The following AGAP1 variants were observed in gnomAD, a reference collection of about 807,000 sequenced individuals.
AGAP1 encodes arf-GAP with GTPase, ANK repeat and PH domain-containing protein 1.
AGAP1 carries 29 observed loss-of-function variants against 105.3 expected under a neutral mutation model. The observed-to-expected ratio is 0.28, with a 90% CI of 0.21 to 0.38. The LOEUF (loss-of-function observed/expected upper bound fraction) is 0.38. AGAP1 is among the 10% of genes least tolerant of loss of function. The pLI is 1.00. For missense variants in AGAP1, 998 were observed against 1,165.1 expected (o/e 0.86, Z 2.09); for synonymous variants, 509 against 485.9 (o/e 1.05, Z -0.63).
chr2:235,739,337 A>G lies in AGAP1; in HGVS notation c.311-1626A>G, dbSNP rs983065593. ...TCATGATGACAACAGCTCTGCTAGA[A>G]AAGCATTTCTTTTTTGCCTACGAGG... On this transcript the variant is annotated intron_variant, in intron 3 of 17. Coordinates refer to ENST00000304032, the MANE Select transcript of AGAP1 (RefSeq NM_001037131.3). This position sits in a 1 kb window ranked among gnomAD's most constrained non-coding sequence, Gnocchi z 5.3. Among the ~76,000 whole-genome samples, 4 of 152,218 alleles carry G rather than the reference A, an allele frequency of 2.6e-5. No homozygotes were observed. The highest frequency in any genetic ancestry group is 9.6e-5 in the African/African-American group (4 of 41,462).
chr2:235,572,004 T>A (rs7588645), intron 1 of AGAP1, among the ~76,000 whole-genome samples: 913 of 49,596 alleles, frequency 0.018, 3 homozygotes, highest in Middle Eastern at 0.083. Context: ...ACACACACAC[T>A]TTTTTTTTTT....
At position 235,639,849 on chromosome 2, in the gene AGAP1, C is replaced by T. The variant is rs370139571; in HGVS notation, c.164-69330C>T. Among the ~76,000 whole-genome samples, 13 of 152,282 alleles carry T rather than the reference C, an allele frequency of 8.5e-5. No homozygotes were observed. The highest frequency in any genetic ancestry group is 1.5e-4 in the Non-Finnish European group (10 of 68,024). Reference sequence around the variant, plus strand: ...GGACTTCTTTTTGGATTATTTGCAACGTCTTGAGGGGTCCACGGATTGATA... The same window carrying T: ...GGACTTCTTTTTGGATTATTTGCAATGTCTTGAGGGGTCCACGGATTGATA... On this transcript the variant is annotated intron_variant, in intron 1 of 17. Coordinates refer to ENST00000304032, the MANE Select transcript of AGAP1 (RefSeq NM_001037131.3). This position sits in a 1 kb window ranked among gnomAD's most constrained non-coding sequence, Gnocchi z 5.3.
At chr2:236,067,023 A>T (rs1165091043) in intron 16 of AGAP1, among the ~76,000 whole-genome samples, 3 of 96,262 alleles carry the variant, frequency 3.1e-5, no homozygotes. Context: ...TTCACCAACC[A>T]ATTTTTTTTT....
At chr2:235,616,407 G>A (rs980161707) in intron 1 of AGAP1, among the ~76,000 whole-genome samples, 1 of 151,792 alleles carries the variant, frequency 6.6e-6, no homozygotes, top group East Asian at 1.9e-4. Context: ...GTTAAGTTCA[G>A]TGTTAAAAAC....
At chr2:235,495,601 C>A (rs1435004852) in intron 1 of AGAP1, among the ~76,000 whole-genome samples, 1 of 152,216 alleles carries the variant, frequency 6.6e-6, no homozygotes, top group African/African-American at 2.4e-5. Context: ...TGGGCAGAAT[C>A]CCCACCCGCT....
intron 1 of AGAP1, among the ~76,000 whole-genome samples, chr2:235,679,517 A>G (rs1948945980): frequency 6.6e-6 from 1 of 152,244 alleles, no homozygotes; most frequent in Admixed American, 6.5e-5. Flanking sequence ...CCTTAAAATT[A>G]TAAATGGGGA....
Position 235,736,901 on chromosome 2 carries a change from T to C in AGAP1, c.311-4062T>C, listed in dbSNP as rs1952288354. Among the ~76,000 whole-genome samples, 2 of 152,228 alleles carry C rather than the reference T, an allele frequency of 1.3e-5. No individual in the cohort carries two copies. Among genetic ancestry groups the C allele is most frequent in the African/African-American group, 4.8e-5 (2 of 41,460 alleles). The stretch of plus-strand genomic sequence containing the variant: ...AAAATCTAATGACTGGGATGAGATC[T>C]GATGAAATGGTAGGTTGAATTTAAA... On this transcript the variant is annotated intron_variant, in intron 3 of 17. Coordinates refer to ENST00000304032, the MANE Select transcript of AGAP1 (RefSeq NM_001037131.3). The surrounding 1 kb of genome is among the most constrained non-coding windows in gnomAD (Gnocchi z 5.5).
intron 6 of AGAP1, among the ~76,000 whole-genome samples, chr2:235,779,036 T>C (rs1169172571): frequency 6.6e-6 from 1 of 152,212 alleles, no homozygotes; most frequent in Non-Finnish European, 1.5e-5. Flanking sequence ...CCAGGTAACT[T>C]GGTAAAGATC....
At position 236,116,027 on chromosome 2, in the gene AGAP1, A is replaced by T. The variant is rs570196566; in HGVS notation, c.2115-4165A>T. ...ACTATGTTGGCCAGGCTGGTCTCAAACTCCAGACCTCAGGTGGCCCGCCCA... is the reference window on the plus strand; with the variant it reads ...ACTATGTTGGCCAGGCTGGTCTCAATCTCCAGACCTCAGGTGGCCCGCCCA... On this transcript the variant is annotated intron_variant, in intron 16 of 17. Coordinates refer to ENST00000304032, the MANE Select transcript of AGAP1 (RefSeq NM_001037131.3). Among the ~76,000 whole-genome samples, 4 of 152,100 alleles carry T rather than the reference A, an allele frequency of 2.6e-5. No homozygotes were observed. The South Asian group carries it at 8.3e-4, about 32-fold the overall frequency.
rs144010680 is a variant in AGAP1, at chr2:235,752,314, A to G, written c.673+1826A>G. 6.6e-4 allele frequency among the ~76,000 whole-genome samples: 101 copies of G among 152,236 alleles called. 2 individuals are homozygous for G. In the East Asian group the frequency reaches 0.017, roughly 26 times the overall value. On this transcript the variant is annotated intron_variant, in intron 6 of 17. Transcript: ENST00000304032. The surrounding 1 kb of genome is among the most constrained non-coding windows in gnomAD (Gnocchi z 4.3). Reference sequence around the variant, plus strand: ...TGCCTCAGCCTCCCCAGTAGCTGGAATTACAGGTACACGCTGCCACACCTG... The same window carrying G: ...TGCCTCAGCCTCCCCAGTAGCTGGAGTTACAGGTACACGCTGCCACACCTG...
At position 236,098,811 on chromosome 2, in the gene AGAP1, A is replaced by G. The variant is rs1002589833; in HGVS notation, c.2115-21381A>G. On this transcript the variant is annotated intron_variant, in intron 16 of 17. Transcript: ENST00000304032. ...AGCTAATTTTTTTTAATTTTTATAG[A>G]AACAGGGTCTCATATTGACCAGGCT... 3.9e-4 allele frequency among the ~76,000 whole-genome samples: 59 copies of G among 151,380 alleles called. 2 individuals are homozygous for G. Among genetic ancestry groups the G allele is most frequent in the Non-Finnish European group, 4.4e-5 (3 of 67,908 alleles).
Position 236,020,130 on chromosome 2 carries a change from C to T in AGAP1, c.1646-16431C>T, listed in dbSNP as rs1357074299. On this transcript the variant is annotated intron_variant, in intron 13 of 17. Coordinates refer to ENST00000304032, the MANE Select transcript of AGAP1 (RefSeq NM_001037131.3). This position sits in a 1 kb window ranked among gnomAD's most constrained non-coding sequence, Gnocchi z 5.0. ...TTCTTGATGTGTCTTCTCTGTACCT[C>T]AGTTTCCCCACCTATAAACTGGGGT... 1.3e-5 allele frequency among the ~76,000 whole-genome samples: 2 copies of T among 151,924 alleles called. No homozygotes were observed. The highest frequency in any genetic ancestry group is 4.9e-5 in the African/African-American group (2 of 41,200).
At chr2:235,561,135 C>T (rs1944136858) in intron 1 of AGAP1, among the ~76,000 whole-genome samples, 1 of 152,172 alleles carries the variant, frequency 6.6e-6, no homozygotes, top group Non-Finnish European at 1.5e-5. Flanking sequence ...TCCATAGGGT[C>T]ACTGCCTCCT....
chr2:236,078,156 GT>G lies in AGAP1; in HGVS notation c.2114+28876del, dbSNP rs1282430891. On this transcript the variant is annotated intron_variant, in intron 16 of 17. Transcript: ENST00000304032. This position sits in a 1 kb window ranked among gnomAD's most constrained non-coding sequence, Gnocchi z 5.3. ...AGTGTGTAGGGCAGGCCAGCCGGGG[GT>G]GTGTGTGTGTGTGTGTGTATATGTA... Among the ~76,000 whole-genome samples, 4 of 140,614 alleles carry G rather than the reference GT, an allele frequency of 2.8e-5. No homozygotes were observed. The highest frequency in any genetic ancestry group is 1.2e-4 in the African/African-American group (4 of 33,866). The allele number at this position is 140,614 out of a possible 152,430, so 92.2% of individuals were successfully genotyped here.
At chr2:235,943,278 G>A (rs998333436) in intron 12 of AGAP1, among the ~76,000 whole-genome samples, 6 of 151,584 alleles carry the variant, frequency 4.0e-5, no homozygotes, top group Admixed American at 1.3e-4. Context: ...GAATAACATT[G>A]GTCAAATCTT....
At chr2:235,791,269 C>T (rs748277191) in intron 6 of AGAP1, among the ~76,000 whole-genome samples, 1 of 152,072 alleles carries the variant, frequency 6.6e-6, no homozygotes, top group Non-Finnish European at 1.5e-5. Flanking sequence ...TTAATGATCA[C>T]TTTACTGTGA....
intron 13 of AGAP1, among the ~76,000 whole-genome samples, chr2:235,980,420 T>C (rs2055043443): frequency 6.6e-6 from 1 of 152,204 alleles, no homozygotes; most frequent in Non-Finnish European, 1.5e-5. Context: ...ATATTAGCCA[T>C]TGAGAGCATC....
chr2:235,873,265 A>C (rs2049533554), intron 9 of AGAP1, among the ~76,000 whole-genome samples: 2 of 152,236 alleles, frequency 1.3e-5, no homozygotes, highest in African/African-American at 4.8e-5. Context: ...AAGCCAAGAA[A>C]GAAAAAGCAT....
chr2:235,691,223 C>T lies in AGAP1; in HGVS notation c.164-17956C>T, dbSNP rs1263289698. On this transcript the variant is annotated intron_variant, in intron 1 of 17. Coordinates refer to ENST00000304032, the MANE Select transcript of AGAP1 (RefSeq NM_001037131.3). The surrounding 1 kb of genome is among the most constrained non-coding windows in gnomAD (Gnocchi z 4.4). ...GCTGGATGCTGGTGCCTTTTCCCAC[C>T]GTCAATCAAGCACATGCGCATAGGG... 2.0e-5 allele frequency among the ~76,000 whole-genome samples: 3 copies of T among 152,148 alleles called. No individual in the cohort carries two copies. Among genetic ancestry groups the T allele is most frequent in the South Asian group, 4.1e-4 (2 of 4,832 alleles).
Sources: allele counts gnomAD v4.1 joint callset (sites outside exome capture counted in the v4.1 genomes callset), GRCh38; gene constraint gnomAD v4.1.1; non-coding constraint Gnocchi (gnomAD v3.1); transcripts MANE v1.5; gene names NCBI Gene and HGNC (gene_info 2026-07-23, HGNC 2026-07-21).